GRM8: variants seen among roughly 807,000 people sequenced by gnomAD.
GRM8 encodes the protein glutamate metabotropic receptor 8.
In GRM8, 47 loss-of-function variants were observed where a neutral mutation model predicts 87.2. The observed-to-expected ratio is 0.54, with a 90% CI of 0.43 to 0.69. The LOEUF (loss-of-function observed/expected upper bound fraction) is 0.69. GRM8 is among the 30% of genes least tolerant of loss of function. The probability of loss-of-function intolerance (pLI) is 0.00; values close to 1 mark genes in which losing one functional copy is unlikely to be tolerated. For synonymous variants in GRM8, 396 were observed against 404.5 expected (o/e 0.98, Z 0.25); for missense variants, 1,019 against 1,139.2 (o/e 0.89, Z 1.52).
intron 7 of GRM8, among the ~76,000 whole-genome samples, chr7:126,623,391 ATT>A (rs1199444793): frequency 6.6e-6 from 1 of 152,198 alleles, no homozygotes; most frequent in Non-Finnish European, 1.5e-5. Context: ...ATATAGAAAT[ATT>A]GAGGTACTTT....
intron 2 of GRM8, among the ~76,000 whole-genome samples, chr7:127,143,695 T>C (rs1324183788): frequency 1.3e-5 from 2 of 152,138 alleles, no homozygotes; most frequent in Admixed American, 1.3e-4. Flanking sequence ...AAATTACTGA[T>C]GGTATCCACA....
intron 3 of GRM8, among the ~76,000 whole-genome samples, chr7:127,016,997 C>A (rs1815745202): frequency 6.6e-6 from 1 of 152,038 alleles, no homozygotes; most frequent in South Asian, 2.1e-4. Flanking sequence ...TTAATGAGAT[C>A]ATCTATGAAG....
intron 8 of GRM8, among the ~76,000 whole-genome samples, chr7:126,548,512 A>C (rs1817425616): frequency 6.6e-6 from 1 of 152,180 alleles, no homozygotes; most frequent in South Asian, 2.1e-4. Context: ...ATTTCCAAGA[A>C]AATAAAAGTA....
At chr7:126,986,293 A>G (rs1456712686) in intron 3 of GRM8, among the ~76,000 whole-genome samples, 1 of 152,170 alleles carries the variant, frequency 6.6e-6, no homozygotes, top group Non-Finnish European at 1.5e-5. Flanking sequence ...TACAGGCTTG[A>G]GTCACCACAC....
intron 2 of GRM8, among the ~76,000 whole-genome samples, chr7:127,166,587 G>A (rs528528948): frequency 4.6e-5 from 7 of 152,226 alleles, no homozygotes; most frequent in East Asian, 3.9e-4. Flanking sequence ...GAAAGGCGGC[G>A]ATGGGACTGA....
At chr7:127,000,858 A>AT (rs966501550) in intron 3 of GRM8, among the ~76,000 whole-genome samples, 56 of 151,506 alleles carry the variant, frequency 3.7e-4, no homozygotes, top group Admixed American at 2.2e-3. Flanking sequence ...CAAATTTTAT[A>AT]TTTTTTTTAC....
chr7:126,799,131 T>C (rs1179508264), intron 6 of GRM8, among the ~76,000 whole-genome samples: 1 of 152,132 alleles, frequency 6.6e-6, no homozygotes, highest in Non-Finnish European at 1.5e-5. Flanking sequence ...GTGTGATCTA[T>C]GGACCAGCAG....
chr7:127,110,309 C>T (rs1183273608), intron 2 of GRM8, among the ~76,000 whole-genome samples: 1 of 152,184 alleles, frequency 6.6e-6, no homozygotes, highest in Non-Finnish European at 1.5e-5. Context: ...GACAACACTG[C>T]TGTGGCTCCC....
At chr7:126,918,339 CAG>C (rs1804150547) in intron 3 of GRM8, among the ~76,000 whole-genome samples, 1 of 152,182 alleles carries the variant, frequency 6.6e-6, no homozygotes. Flanking sequence ...TACCAGTCCA[CAG>C]AGATGCATAT....
chr7:127,079,093 A>G (rs539628415), intron 3 of GRM8, among the ~76,000 whole-genome samples: 4 of 152,192 alleles, frequency 2.6e-5, no homozygotes, highest in Non-Finnish European at 5.9e-5. Context: ...ATTTATTTAT[A>G]TATACATGTG....
At chr7:127,120,083 G>C (rs1826942752) in intron 2 of GRM8, among the ~76,000 whole-genome samples, 1 of 152,128 alleles carries the variant, frequency 6.6e-6, no homozygotes, top group Admixed American at 6.5e-5. Flanking sequence ...AGATCATCTG[G>C]TGCACCAGGG....
chr7:126,615,354 T>C (rs1367274188), intron 7 of GRM8, among the ~76,000 whole-genome samples: 10 of 152,094 alleles, frequency 6.6e-5, no homozygotes, highest in African/African-American at 2.2e-4. Context: ...AGGCCTGCCC[T>C]ACAAGAGCTC....
rs370737412 is a variant in GRM8, at chr7:126,787,240, CCAA to C, written c.1157-17178_1157-17176del. Among the ~76,000 whole-genome samples the C allele has an allele frequency of 6.7e-3, 1,017 of 152,280 alleles. 10 individuals are homozygous for C. Among genetic ancestry groups the C allele is most frequent in the African/African-American group, 0.023 (935 of 41,550 alleles). ...GTTATCACTTCTGGAATTTATGTCA[CCAA>C]CAAGTTTCATGTGTGTGACAATCAA... On this transcript the variant is annotated intron_variant, in intron 6 of 10. Transcript: ENST00000339582.
intron 3 of GRM8, among the ~76,000 whole-genome samples, chr7:127,020,428 A>G (rs1045081265): frequency 2.0e-5 from 3 of 152,012 alleles, no homozygotes; most frequent in African/African-American, 7.2e-5. Context: ...AATAAAGAAA[A>G]CAAACATCTC....
At chr7:126,677,717 G>A (rs1807131449) in intron 7 of GRM8, among the ~76,000 whole-genome samples, 1 of 152,154 alleles carries the variant, frequency 6.6e-6, no homozygotes, top group African/African-American at 2.4e-5. Context: ...GGCGGAGAAT[G>A]AGGGATAAAA....
chr7:127,104,374 A>G (rs1825619433), intron 3 of GRM8, among the ~76,000 whole-genome samples: 1 of 152,192 alleles, frequency 6.6e-6, no homozygotes, highest in Non-Finnish European at 1.5e-5. Context: ...GACATCAGAT[A>G]ATTTCAGAAT....
intron 7 of GRM8, among the ~76,000 whole-genome samples, chr7:126,667,306 C>T (rs1585437980): frequency 6.6e-6 from 1 of 152,198 alleles, no homozygotes; most frequent in South Asian, 2.1e-4. Flanking sequence ...AAACATTGTA[C>T]GTGGAAGTAG....
At chr7:126,860,612 T>C (rs1798061163) in intron 6 of GRM8, among the ~76,000 whole-genome samples, 1 of 152,032 alleles carries the variant, frequency 6.6e-6, no homozygotes, top group African/African-American at 2.4e-5. Flanking sequence ...ATAAACAAAA[T>C]CTCATTAAAA....
intron 3 of GRM8, among the ~76,000 whole-genome samples, chr7:126,916,656 G>A (rs1214542573): frequency 1.3e-5 from 2 of 152,182 alleles, no homozygotes; most frequent in Non-Finnish European, 1.5e-5. Flanking sequence ...ACAGTGAGGG[G>A]TCTTTGCTCA....
Sources: allele counts gnomAD v4.1 joint callset (sites outside exome capture counted in the v4.1 genomes callset), GRCh38; gene constraint gnomAD v4.1.1; transcripts MANE v1.5; gene names NCBI Gene and HGNC (gene_info 2026-07-23, HGNC 2026-07-21).